Variants in RBFOX3 observed in about 807,000 individuals in gnomAD.
RBFOX3 encodes the protein RNA binding protein fox-1 homolog 3.
A neutral mutation model predicts 48.7 loss-of-function variants in RBFOX3; 17 were observed. The observed-to-expected ratio is 0.35, with a 90% CI of 0.24 to 0.52. The LOEUF is 0.52. RBFOX3 is among the 20% of genes least tolerant of loss of function. RBFOX3 has a pLI of 0.94. For synonymous variants in RBFOX3, 212 were observed against 209.5 expected (o/e 1.01, Z -0.10); for missense variants, 382 against 497.5 (o/e 0.77, Z 2.21).
chr17:79,334,626 C>A (rs924215628), intron 2 of RBFOX3, among the ~76,000 whole-genome samples: 4 of 152,230 alleles, frequency 2.6e-5, no homozygotes, highest in Non-Finnish European at 4.4e-5. Context: ...CATGGGCCAA[C>A]TGGAGCCCAT....
At chr17:79,218,392 C>T (rs2059323166) in intron 4 of RBFOX3, among the ~76,000 whole-genome samples, 1 of 152,108 alleles carries the variant, frequency 6.6e-6, no homozygotes, top group African/African-American at 2.4e-5. Context: ...GATCTGGCTC[C>T]TGGGAAGATG....
At chr17:79,290,347 C>T (rs1336623543) in intron 3 of RBFOX3, among the ~76,000 whole-genome samples, 1 of 152,112 alleles carries the variant, frequency 6.6e-6, no homozygotes, top group Admixed American at 6.5e-5. Flanking sequence ...TCCTTGCTAG[C>T]TGTGTGGGCC....
chr17:79,653,613 T>C, the RBFOX3 span, among the ~76,000 whole-genome samples: 102,292 of 152,112 alleles, frequency 0.67, 37,878 homozygotes, highest in Non-Finnish European at 0.83. Flanking sequence ...GCTTCGAGTG[T>C]ATAAGCAATG....
At chr17:79,106,406 C>T (rs529196947) in intron 6 of RBFOX3, among the ~76,000 whole-genome samples, 13 of 152,006 alleles carry the variant, frequency 8.6e-5, no homozygotes, top group African/African-American at 2.2e-4. Flanking sequence ...GAGGGGCAGC[C>T]GCAACAGATC....
intron 4 of RBFOX3, among the ~76,000 whole-genome samples, chr17:79,228,809 C>T (rs1476702240): frequency 6.6e-6 from 1 of 152,198 alleles, no homozygotes; most frequent in Admixed American, 6.5e-5. Context: ...CTAGTCCAAA[C>T]ACGTGTGCGC....
rs2073665476 is a variant in RBFOX3, at chr17:79,090,408, C to T, written c.*475G>A. On this transcript the variant is annotated 3_prime_UTR_variant, in exon 15 of 15. Coordinates refer to ENST00000693108, the MANE Select transcript of RBFOX3 (RefSeq NM_001350451.2). ...GCCCGCACCCCTCAGCCCCGCCGGCCCCCTGGCACAGCTGGCCACAAAGAT... is the reference window on the plus strand; with the variant it reads ...GCCCGCACCCCTCAGCCCCGCCGGCTCCCTGGCACAGCTGGCCACAAAGAT... 6.4e-6 allele frequency: 1 copy of T among 157,072 alleles called. No homozygotes were observed. The highest frequency in any genetic ancestry group is 1.4e-5 in the Non-Finnish European group (1 of 71,220). 9.7% of individuals were successfully genotyped at this position (157,072 alleles called of 1,614,324 possible). A position where few individuals can be genotyped will look rare whatever the true frequency, so the allele number is the denominator to read the frequency against.
intron 2 of RBFOX3, among the ~76,000 whole-genome samples, chr17:79,389,061 T>G (rs8070406): frequency 0.066 from 10,085 of 152,070 alleles, 398 homozygotes; most frequent in African/African-American, 0.11. Flanking sequence ...ACACTGACCA[T>G]GAATGAGAAC....
At chr17:79,274,578 G>A (rs1005904390) in intron 3 of RBFOX3, among the ~76,000 whole-genome samples, 4 of 152,122 alleles carry the variant, frequency 2.6e-5, no homozygotes, top group African/African-American at 4.8e-5. Context: ...GCTGTTCCTG[G>A]TCGTGGGGCT....
intron 2 of RBFOX3, among the ~76,000 whole-genome samples, chr17:79,365,585 C>T (rs1013163882): frequency 5.3e-5 from 8 of 152,236 alleles, no homozygotes; most frequent in African/African-American, 1.9e-4. Flanking sequence ...CCACTGAAGC[C>T]GGCGCGGCGG....
intron 2 of RBFOX3, among the ~76,000 whole-genome samples, chr17:79,463,610 TCCACCGCCATCG>T (rs2075848121): frequency 1.4e-5 from 1 of 71,646 alleles, no homozygotes; most frequent in African/African-American, 6.1e-5. Flanking sequence ...CATCGCCACC[TCCACCGCCATCG>T]CCACCGCCAC....
rs2078656289 is a variant in RBFOX3 at position 79,480,728 on chromosome 17, CTTCT to C, written c.-175+1722_-175+1725del. 1.3e-5 allele frequency among the ~76,000 whole-genome samples: 2 copies of C among 152,200 alleles called. No individual in the cohort carries two copies. Among genetic ancestry groups the C allele is most frequent in the Admixed American group, 1.3e-4 (2 of 15,290 alleles). On this transcript the variant is annotated intron_variant, in intron 2 of 14. Transcript: ENST00000693108. This position sits in a 1 kb window ranked among gnomAD's most constrained non-coding sequence, Gnocchi z 4.8. The stretch of plus-strand genomic sequence containing the variant: ...ACATCCTGGGGTCCTCCCTCCCTTC[CTTCT>C]GTCTTGGCTCACAACATCAGCACCG...
chr17:79,264,965 A>AAG (rs2066440469), intron 3 of RBFOX3, among the ~76,000 whole-genome samples: 1 of 132,924 alleles, frequency 7.5e-6, no homozygotes, highest in African/African-American at 2.8e-5. Flanking sequence ...GTGCGAGAGG[A>AAG]GGGGGGGGGG....
intron 2 of RBFOX3, among the ~76,000 whole-genome samples, chr17:79,458,997 A>G (rs1237800080): frequency 6.6e-6 from 1 of 152,142 alleles, no homozygotes; most frequent in Non-Finnish European, 1.5e-5. Context: ...GTGGGCTACC[A>G]GGCCTCCACC....
At chr17:79,277,307 G>GC (rs1567963803) in intron 3 of RBFOX3, among the ~76,000 whole-genome samples, 1 of 42,684 alleles carries the variant, frequency 2.3e-5, no homozygotes, top group South Asian at 1.0e-3. Context: ...GTGGGGAGGG[G>GC]GGGGGTAGTG....
chr17:79,560,021 G>A (rs2092104241), intron 1 of RBFOX3, among the ~76,000 whole-genome samples: 1 of 139,998 alleles, frequency 7.1e-6, no homozygotes, highest in Non-Finnish European at 1.5e-5. Flanking sequence ...TGGGTGGGTG[G>A]GTGTATGGAT....
chr17:79,651,188 C>T, the RBFOX3 span, among the ~76,000 whole-genome samples: 1 of 152,226 alleles, frequency 6.6e-6, no homozygotes, highest in Admixed American at 6.5e-5. Context: ...CTTCCCCTAC[C>T]AGGGCTTCCT....
At chr17:79,426,439 G>A (rs8075220) in intron 2 of RBFOX3, among the ~76,000 whole-genome samples, 61,966 of 152,060 alleles carry the variant, frequency 0.41, 13,335 homozygotes, top group East Asian at 0.6. Flanking sequence ...AAGAGACAAC[G>A]GCAGGCAGGC....
At chr17:79,332,844 TG>T (rs2080580652) in intron 2 of RBFOX3, among the ~76,000 whole-genome samples, 1 of 112,314 alleles carries the variant, frequency 8.9e-6, no homozygotes, top group African/African-American at 3.5e-5. Context: ...GAGAGAGAGA[TG>T]GGGTGGGGGA....
chr17:79,656,999 T>C, the RBFOX3 span, among the ~76,000 whole-genome samples: 1 of 152,168 alleles, frequency 6.6e-6, no homozygotes, highest in African/African-American at 2.4e-5. Context: ...CCTCTGTTCC[T>C]GTTGCATCCA....
Sources: gnomAD v4.1 joint callset for allele counts (sites outside exome capture counted in the v4.1 genomes callset) on GRCh38, gnomAD v4.1.1 for gene constraint, Gnocchi (gnomAD v3.1) non-coding constraint, MANE v1.5 for transcripts, NCBI Gene and HGNC (gene_info 2026-07-23, HGNC 2026-07-21) for gene names.